Variants in NME7 observed in about 807,000 individuals in gnomAD.
NME7 encodes NME/NM23 family member 7, also known as nucleoside diphosphate kinase 7.
NME7 carries 41 observed loss-of-function variants against 49.1 expected under a neutral mutation model. That is an observed-to-expected ratio of 0.83 (90% CI 0.65 to 1.08). The LOEUF (loss-of-function observed/expected upper bound fraction) is 1.08, where lower values mean the gene tolerates loss of function less well. Among genes scored for constraint, NME7 ranks in the 50% least tolerant of loss-of-function variants. NME7 has a pLI of 0.00. For synonymous variants in NME7, 139 were observed against 150.6 expected (o/e 0.92, Z 0.56); for missense variants, 423 against 463.4 (o/e 0.91, Z 0.80).
intron 7 of NME7, among the ~76,000 whole-genome samples, chr1:169,260,372 C>G (rs1649122624): frequency 7.5e-6 from 1 of 133,412 alleles, no homozygotes; most frequent in African/African-American, 2.5e-5. Flanking sequence ...GTCCCTCTTT[C>G]TTCCTCCTAA....
Position 169,352,088 on chromosome 1 carries a change from TG to T in NME7, c.3+15619del, listed in dbSNP as rs1413190454. ...TCATTCTATGAGCTCAGTATTACCC[TG>T]ATACCAAAACCAGACAACAACACAT... On this transcript the variant is annotated intron_variant, in intron 1 of 11. Transcript: ENST00000367811. Among the ~76,000 whole-genome samples the T allele has an allele frequency of 2.0e-5, 3 of 151,924 alleles. No individual in the cohort carries two copies. In the East Asian group the frequency reaches 5.8e-4, roughly 29 times the overall value.
At position 169,237,822 on chromosome 1, in the gene NME7, A is replaced by G. The variant is rs1647923503; in HGVS notation, c.755-135T>C. ...AAAAAAACACATATTTTGCAAGAGA[A>G]ACTAAATTAAATCCCTAATACTGAG... On this transcript the variant is annotated intron_variant, in intron 7 of 11. Transcript: ENST00000367811. 3 of 610,166 alleles carry G rather than the reference A, an allele frequency of 4.9e-6. No homozygotes were observed. The Admixed American group carries it at 8.9e-5, about 18-fold the overall frequency. 37.8% of individuals were successfully genotyped at this position (610,166 alleles called of 1,614,324 possible).
intron 7 of NME7, among the ~76,000 whole-genome samples, chr1:169,276,265 C>T (rs1649721689): frequency 7.5e-6 from 1 of 133,558 alleles, no homozygotes; most frequent in South Asian, 2.3e-4. Flanking sequence ...AGGAATGGTA[C>T]CAGTTCCTCC....
intron 10 of NME7, among the ~76,000 whole-genome samples, chr1:169,178,491 A>G (rs1238052244): frequency 1.3e-5 from 2 of 152,120 alleles, no homozygotes; most frequent in East Asian, 1.9e-4. Flanking sequence ...GATTCTAGGT[A>G]TGGGAAGGTA....
chr1:169,342,715 CAT>C (rs1162428448), intron 1 of NME7, among the ~76,000 whole-genome samples: 3 of 31,450 alleles, frequency 9.5e-5, no homozygotes, highest in African/African-American at 1.7e-4. Context: ...TATACAAGTA[CAT>C]ATATATATAG....
At position 169,273,335 on chromosome 1, in the gene NME7, T is replaced by A. The variant is rs1185386281; in HGVS notation, c.754+13968A>T. 7.6e-5 allele frequency among the ~76,000 whole-genome samples: 10 copies of A among 132,386 alleles called. 2 individuals carry two copies. Among genetic ancestry groups the A allele is most frequent in the African/African-American group, 2.6e-4 (10 of 39,212 alleles). 86.9% of individuals were successfully genotyped at this position (132,386 alleles called of 152,430 possible). A position where few individuals can be genotyped will look rare whatever the true frequency, so the allele number is the denominator to read the frequency against. On this transcript the variant is annotated intron_variant, in intron 7 of 11. Transcript: ENST00000367811. ...TTTAGTTTTCTGATCTTGTGATAGT[T>A]TGCTGAGAATGACAGTTTCCAGCTT...
chr1:169,220,584 T>G (rs1011383747), intron 10 of NME7, among the ~76,000 whole-genome samples: 3 of 152,204 alleles, frequency 2.0e-5, no homozygotes, highest in African/African-American at 7.2e-5. Flanking sequence ...CAGGATTATT[T>G]TGTAATCACT....
At chr1:169,177,533 C>A (rs538019250) in intron 10 of NME7, among the ~76,000 whole-genome samples, 19 of 152,158 alleles carry the variant, frequency 1.2e-4, no homozygotes, top group Non-Finnish European at 1.9e-4. Flanking sequence ...ATCCCTATAA[C>A]CCCAGCACTT....
chr1:169,199,956 A>G (rs1041850609), intron 10 of NME7, among the ~76,000 whole-genome samples: 4 of 152,160 alleles, frequency 2.6e-5, no homozygotes, highest in African/African-American at 7.2e-5. Context: ...TATGACTGAT[A>G]TAGAACTTAT....
At chr1:169,276,829 C>T (rs1189313577) in intron 7 of NME7, among the ~76,000 whole-genome samples, 1 of 140,642 alleles carries the variant, frequency 7.1e-6, no homozygotes, top group South Asian at 2.3e-4. Flanking sequence ...CCATTTAGTG[C>T]TATAAATTTC....
chr1:169,250,883 T>C (rs1007799123), intron 7 of NME7, among the ~76,000 whole-genome samples: 1 of 152,176 alleles, frequency 6.6e-6, no homozygotes, highest in African/African-American at 2.4e-5. Context: ...AGACTTGTTT[T>C]GTGGCCTAGC....
chr1:169,137,540 T>G (rs1217876376), intron 11 of NME7, among the ~76,000 whole-genome samples: 1 of 152,090 alleles, frequency 6.6e-6, no homozygotes, highest in Non-Finnish European at 1.5e-5. Flanking sequence ...ACAGAGGCCC[T>G]GTGATGGCGC....
intron 10 of NME7, among the ~76,000 whole-genome samples, 167 bp from the exon 11 acceptor site, chr1:169,169,721 CG>C (rs1659522135): frequency 6.6e-6 from 1 of 152,058 alleles, no homozygotes; most frequent in South Asian, 2.1e-4. Flanking sequence ...TCATCTACAT[CG>C]GGGAAAAATA....
At chr1:169,225,930 T>C (rs3820058) in intron 10 of NME7, among the ~76,000 whole-genome samples, 15,765 of 152,220 alleles carry the variant, frequency 0.1, 861 homozygotes, top group Admixed American at 0.12. Context: ...CTTTATAAAA[T>C]AGCTCTATAT....
chr1:169,134,943 G>A (rs971664261), intron 11 of NME7, among the ~76,000 whole-genome samples: 7 of 144,434 alleles, frequency 4.8e-5, no homozygotes, highest in Non-Finnish European at 1.0e-4. Flanking sequence ...AAGAGTCTGA[G>A]GTTGGAGGAT....
At chr1:169,282,813 G>A (rs1406117283) in intron 7 of NME7, among the ~76,000 whole-genome samples, 2 of 152,128 alleles carry the variant, frequency 1.3e-5, no homozygotes, top group African/African-American at 2.4e-5. Flanking sequence ...TGGTCTGAGA[G>A]ACTGTTATAA....
intron 10 of NME7, among the ~76,000 whole-genome samples, chr1:169,184,946 A>C (rs1032028214): frequency 2.0e-5 from 3 of 152,218 alleles, no homozygotes; most frequent in Non-Finnish European, 2.9e-5. Flanking sequence ...GTGCAAGCTG[A>C]CTTCAACACA....
chr1:169,326,014 G>T (rs1292281560), intron 1 of NME7, among the ~76,000 whole-genome samples: 1 of 151,588 alleles, frequency 6.6e-6, no homozygotes, highest in Non-Finnish European at 1.5e-5. Flanking sequence ...AATATTAGTA[G>T]ATTATTAAAA....
At chr1:169,351,366 TAAAGG>T (rs1295934171) in intron 1 of NME7, among the ~76,000 whole-genome samples, 1 of 150,922 alleles carries the variant, frequency 6.6e-6, no homozygotes, top group East Asian at 2.0e-4. Context: ...ATACAAACGA[TAAAGG>T]AAACACAATA....
Sources: gnomAD v4.1 joint callset for allele counts (sites outside exome capture counted in the v4.1 genomes callset) on GRCh38, gnomAD v4.1.1 for gene constraint, MANE v1.5 for transcripts, NCBI Gene and HGNC (gene_info 2026-07-23, HGNC 2026-07-21) for gene names.